NCAM2: variants seen among roughly 807,000 people sequenced by gnomAD.
NCAM2 encodes the protein neural cell adhesion molecule 2.
Under a neutral mutation model 98.1 loss-of-function variants are expected in NCAM2, and 30 were observed. The observed-to-expected ratio is 0.31, with a 90% CI of 0.23 to 0.41. NCAM2 has a LOEUF of 0.41. NCAM2 is among the 10% of genes least tolerant of loss of function. The probability of loss-of-function intolerance (pLI) is 1.00; values close to 1 mark genes in which losing one functional copy is unlikely to be tolerated. For missense variants in NCAM2, 867 were observed against 1,005.8 expected (o/e 0.86, Z 1.87); for synonymous variants, 368 against 342.4 (o/e 1.07, Z -0.83).
At chr21:21,229,256 GTTT>G (rs1463605117) in intron 1 of NCAM2, among the ~76,000 whole-genome samples, 5 of 151,596 alleles carry the variant, frequency 3.3e-5, no homozygotes, top group African/African-American at 1.2e-4. Context: ...AATAACCTAT[GTTT>G]GATTTGCTGC....
intron 12 of NCAM2, chr21:21,463,595 T>C (rs964913833): frequency 6.6e-6 from 1 of 152,122 alleles, no homozygotes; most frequent in African/African-American, 2.4e-5. Context: ...GCTCCTTTCT[T>C]CTGCCAACTG....
intron 1 of NCAM2, among the ~76,000 whole-genome samples, chr21:21,079,165 T>C (rs763983721): frequency 6.6e-6 from 1 of 152,166 alleles, no homozygotes; most frequent in Non-Finnish European, 1.5e-5. Flanking sequence ...CAAACCTGCA[T>C]GTTCTGGACA....
At chr21:21,190,245 T>A (rs2146960417) in intron 1 of NCAM2, among the ~76,000 whole-genome samples, 1 of 152,298 alleles carries the variant, frequency 6.6e-6, no homozygotes, top group South Asian at 2.1e-4. Context: ...TTAGTGCAAG[T>A]AAGGAAACAT....
intron 16 of NCAM2, among the ~76,000 whole-genome samples, chr21:21,530,990 A>G (rs1046783074): frequency 1.5e-4 from 23 of 152,112 alleles, no homozygotes; most frequent in African/African-American, 4.8e-4. Context: ...TTTTTTGACA[A>G]TCTGGTAAGT....
At chr21:21,418,124 T>C (rs1281870573) in intron 10 of NCAM2, among the ~76,000 whole-genome samples, 1 of 151,978 alleles carries the variant, frequency 6.6e-6, no homozygotes, top group Non-Finnish European at 1.5e-5. Context: ...CATAAATATA[T>C]ACACATATAT....
At chr21:21,522,174 AT>A (rs1351672126) in intron 16 of NCAM2, among the ~76,000 whole-genome samples, 3 of 148,070 alleles carry the variant, frequency 2.0e-5, no homozygotes, top group African/African-American at 7.4e-5. Context: ...ATGAATATGA[AT>A]ATATATGAAT....
intron 10 of NCAM2, among the ~76,000 whole-genome samples, chr21:21,414,269 T>G (rs1256800924): frequency 1.3e-5 from 2 of 152,156 alleles, no homozygotes; most frequent in Non-Finnish European, 2.9e-5. Flanking sequence ...AAGTCATCCA[T>G]GAGGGTTGGA....
intron 9 of NCAM2, among the ~76,000 whole-genome samples, chr21:21,380,546 A>G (rs1447810444): frequency 6.6e-6 from 1 of 151,956 alleles, no homozygotes; most frequent in Non-Finnish European, 1.5e-5. Context: ...GAAGCTCCAG[A>G]AGGATTCTGT....
At chr21:21,473,813 G>A (rs1984794156) in intron 14 of NCAM2, among the ~76,000 whole-genome samples, 1 of 150,698 alleles carries the variant, frequency 6.6e-6, no homozygotes, top group Non-Finnish European at 1.5e-5. Context: ...AGAGATGATA[G>A]CCAATACTTT....
chr21:21,324,662 A>T (rs2074466284), intron 6 of NCAM2, among the ~76,000 whole-genome samples, 162 bp downstream of exon 6: 1 of 152,042 alleles, frequency 6.6e-6, no homozygotes. Context: ...GTTAGATTAA[A>T]CTGCTAAAGA....
chr21:21,464,562 A>C (rs1389789978), intron 12 of NCAM2, among the ~76,000 whole-genome samples: 1 of 152,138 alleles, frequency 6.6e-6, no homozygotes, highest in Non-Finnish European at 1.5e-5. Context: ...AAATGCCTTG[A>C]TTGTAAACAT....
At chr21:21,397,863 C>T (rs1301951889) in intron 9 of NCAM2, among the ~76,000 whole-genome samples, 1 of 152,224 alleles carries the variant, frequency 6.6e-6, no homozygotes, top group Non-Finnish European at 1.5e-5. Flanking sequence ...CCATCACAAC[C>T]ACTATGGAAA....
intron 15 of NCAM2, among the ~76,000 whole-genome samples, chr21:21,502,287 A>G (rs1340828456): frequency 1.3e-5 from 2 of 151,974 alleles, no homozygotes; most frequent in South Asian, 2.1e-4. Flanking sequence ...TTTTCTATCC[A>G]TGTATCAAAT....
intron 2 of NCAM2, among the ~76,000 whole-genome samples, chr21:21,283,053 A>C (rs1403880993): frequency 6.6e-6 from 1 of 151,940 alleles, no homozygotes; most frequent in Admixed American, 6.6e-5. Context: ...GGAATTAAAT[A>C]AAACACATCC....
chr21:21,469,255 T>C (rs576885828), intron 14 of NCAM2, among the ~76,000 whole-genome samples: 9 of 152,138 alleles, frequency 5.9e-5, no homozygotes, highest in African/African-American at 1.9e-4. Context: ...AATCCTTTTC[T>C]TCAACTTTAA....
intron 8 of NCAM2, among the ~76,000 whole-genome samples, chr21:21,350,911 C>A (rs1486440677): frequency 6.9e-6 from 1 of 144,898 alleles, no homozygotes; most frequent in Non-Finnish European, 1.5e-5. Flanking sequence ...CAGGGTGAAA[C>A]CCCGTCTCTA....
intron 8 of NCAM2, among the ~76,000 whole-genome samples, chr21:21,342,771 G>A (rs1197847769): frequency 6.6e-6 from 1 of 152,220 alleles, no homozygotes; most frequent in Non-Finnish European, 1.5e-5. Context: ...AGTATGTGGG[G>A]TGGGAGATAT....
intron 16 of NCAM2, 107 bp from the exon 17 acceptor site, chr21:21,534,430 G>C (rs1281178024): frequency 1.4e-5 from 13 of 942,094 alleles, no homozygotes; most frequent in African/African-American, 1.7e-5. Context: ...AACCAAGTTG[G>C]ATTTATTTGG....
At chr21:21,015,256 T>A (rs1467462227) in intron 1 of NCAM2, among the ~76,000 whole-genome samples, 1 of 152,190 alleles carries the variant, frequency 6.6e-6, no homozygotes, top group African/African-American at 2.4e-5. Flanking sequence ...CTATTGTAGG[T>A]CAAACACGAT....
Sources: allele counts gnomAD v4.1 joint callset (sites outside exome capture counted in the v4.1 genomes callset), GRCh38; gene constraint gnomAD v4.1.1; transcripts MANE v1.5; gene names NCBI Gene and HGNC (gene_info 2026-07-23, HGNC 2026-07-21).